Variants in CACNA1E observed in about 807,000 individuals in gnomAD.
CACNA1E encodes the protein voltage-dependent R-type calcium channel subunit alpha-1E.
Under a neutral mutation model 259.2 loss-of-function variants are expected in CACNA1E, and 40 were observed. The ratio of observed to expected loss-of-function variants is 0.15; its 90% CI spans 0.12 to 0.20. The LOEUF is 0.20. Among genes scored for constraint, CACNA1E ranks in the 10% least tolerant of loss-of-function variants. The pLI, the probability that CACNA1E is intolerant of heterozygous loss-of-function variation, is 1.00. For missense variants in CACNA1E, 1,874 were observed against 3,040.1 expected, an observed-to-expected ratio of 0.62 and a Z score of 9.02; for synonymous variants, 1,104 against 1,138.5, an observed-to-expected ratio of 0.97 and a Z score of 0.61.
intron 6 of CACNA1E, among the ~76,000 whole-genome samples, chr1:181,600,572 G>A (rs1052560792): frequency 6.6e-6 from 1 of 152,136 alleles, no homozygotes; most frequent in African/African-American, 2.4e-5. Context: ...GGTTGAATGT[G>A]GGGTAGGAGA....
At chr1:181,615,544 G>A (rs1054300193) in intron 6 of CACNA1E, among the ~76,000 whole-genome samples, 1 of 152,098 alleles carries the variant, frequency 6.6e-6, no homozygotes, top group Non-Finnish European at 1.5e-5. Context: ...TATTTTTAAA[G>A]TTCTGTTTTC....
At chr1:181,473,741 G>A (rs1662665637) in intron 2 of CACNA1E, among the ~76,000 whole-genome samples, 1 of 152,124 alleles carries the variant, frequency 6.6e-6, no homozygotes, top group Non-Finnish European at 1.5e-5. Context: ...CTATTCTCTA[G>A]CTCAAATTTC....
chr1:181,383,434 G>T (rs528991643), intron 1 of CACNA1E, among the ~76,000 whole-genome samples: 3 of 152,204 alleles, frequency 2.0e-5, no homozygotes, highest in African/African-American at 2.4e-5. Context: ...TGAGGCAAGC[G>T]GGGGCAGAAA....
At position 181,468,047 on chromosome 1, in the gene CACNA1E, CT is replaced by C. The variant is rs1662261043; in HGVS notation, c.435-15696del. 1.3e-5 allele frequency among the ~76,000 whole-genome samples: 2 copies of C among 152,166 alleles called. 1 individual carries two copies. Among genetic ancestry groups the C allele is most frequent in the South Asian group, 4.1e-4 (2 of 4,834 alleles). The stretch of plus-strand genomic sequence containing the variant: ...CCCTTCTCTACATGTCTTTTCTTAT[CT>C]GCAACATGGAGGGGTTAGAAGAAGA... On this transcript the variant is annotated intron_variant, in intron 2 of 11. Transcript: ENST00000524607.
intron 3 of CACNA1E, among the ~76,000 whole-genome samples, chr1:181,532,100 G>A (rs539593124): frequency 6.6e-6 from 1 of 152,194 alleles, no homozygotes; most frequent in African/African-American, 2.4e-5. Context: ...GACATGGAGT[G>A]GGGTCCTTTG....
At chr1:181,452,152 G>A (rs568673512) in intron 2 of CACNA1E, among the ~76,000 whole-genome samples, 13 of 152,302 alleles carry the variant, frequency 8.5e-5, no homozygotes, top group Non-Finnish European at 4.4e-5. Context: ...CTGAATAGAA[G>A]AGGCTGCTCC....
intron 1 of CACNA1E, among the ~76,000 whole-genome samples, chr1:181,380,407 A>G (rs1281306513): frequency 6.6e-6 from 1 of 152,196 alleles, no homozygotes; most frequent in East Asian, 1.9e-4. Flanking sequence ...AGAAAATAAT[A>G]AAGATCAAAG....
intron 3 of CACNA1E, among the ~76,000 whole-genome samples, chr1:181,554,340 A>T (rs942808305): frequency 6.6e-6 from 1 of 152,156 alleles, no homozygotes; most frequent in African/African-American, 2.4e-5. Context: ...TCAGTAATCC[A>T]TATAATTTGG....
intron 2 of CACNA1E, among the ~76,000 whole-genome samples, chr1:181,419,966 A>G (rs1658601051): frequency 6.6e-6 from 1 of 151,986 alleles, no homozygotes; most frequent in African/African-American, 2.4e-5. Context: ...TGTTCTTTAG[A>G]CAGGATCCCT....
At position 181,762,633 on chromosome 1, in the gene CACNA1E, A is replaced by C. The variant is rs1318967716; in HGVS notation, c.4665A>C (p.Thr1555=). The change falls in exon 33 of 48, where the codon ACA becomes ACC. Residue 1555 remains threonine (T), a synonymous_variant. Transcript: ENST00000367573. ...TCATCACCGTGATTGGCAGTATCAC[A>C]GAAATTATCCTGACAGACAGCAAGG... ...FDFITVIGSI[T]EIILTDSKLV... is the part of the protein sequence containing the mutation. 3 of 1,606,150 alleles carry C rather than the reference A, an allele frequency of 1.9e-6. No homozygotes were observed. The highest frequency in any genetic ancestry group is 2.6e-6 in the Non-Finnish European group (3 of 1,175,036).
chr1:181,672,716 G>C (rs1315663336), intron 7 of CACNA1E, among the ~76,000 whole-genome samples: 2 of 152,210 alleles, frequency 1.3e-5, no homozygotes, highest in Non-Finnish European at 2.9e-5. Flanking sequence ...AGGTTGCGCT[G>C]TGCTGGTCAT....
intron 6 of CACNA1E, among the ~76,000 whole-genome samples, chr1:181,631,013 C>A (rs1656680539): frequency 6.6e-6 from 1 of 152,200 alleles, no homozygotes; most frequent in South Asian, 2.1e-4. Flanking sequence ...AGCTGGAAGG[C>A]CTGGCTGGCA....
intron 1 of CACNA1E, among the ~76,000 whole-genome samples, chr1:181,355,510 C>T (rs1473573924): frequency 6.6e-6 from 1 of 152,110 alleles, no homozygotes; most frequent in Non-Finnish European, 1.5e-5. Flanking sequence ...ATCACTTGAA[C>T]CCGGGATGGG....
chr1:181,793,673 G>T lies in CACNA1E; in HGVS notation c.5907G>T (p.Glu1969Asp). ...TGTGTGTTTATTTCCAGGAGCCAGA[G>T]GTTAGTGAATTAAAAAGCGTGCAGC... ...QFQERQSLEPEVSELKSVQPS... is the reference protein window; with the variant it reads ...QFQERQSLEPDVSELKSVQPS... The change falls in exon 45 of 48, where the codon GAG (glutamate) becomes GAT (aspartate). Residue 1969 changes from glutamate to aspartate, a missense_variant. Glu to Asp is a conservative substitution (Grantham distance 45). Transcript: ENST00000367573. 1 of 1,609,946 alleles carries T rather than the reference G, an allele frequency of 6.2e-7. No homozygotes were observed. Among genetic ancestry groups the T allele is most frequent in the Non-Finnish European group, 8.5e-7 (1 of 1,178,752 alleles).
chr1:181,504,905 A>G (rs1205398223), intron 1 of CACNA1E, among the ~76,000 whole-genome samples: 1 of 152,226 alleles, frequency 6.6e-6, no homozygotes, highest in Non-Finnish European at 1.5e-5. Flanking sequence ...ACAGGTCCTC[A>G]TTAATGGGCT....
At chr1:181,618,458 G>A (rs1012384058) in intron 6 of CACNA1E, among the ~76,000 whole-genome samples, 2 of 152,144 alleles carry the variant, frequency 1.3e-5, no homozygotes, top group Non-Finnish European at 2.9e-5. Flanking sequence ...CTGGTCACTC[G>A]GGAGGCTGAG....
At chr1:181,604,069 G>A (rs1414511769) in intron 6 of CACNA1E, among the ~76,000 whole-genome samples, 2 of 152,182 alleles carry the variant, frequency 1.3e-5, no homozygotes, top group Non-Finnish European at 2.9e-5. Context: ...TTAAGGGAGA[G>A]GCCAGTCTTC....
At chr1:181,509,085 G>A (rs1375090918) in intron 1 of CACNA1E, among the ~76,000 whole-genome samples, 1 of 152,078 alleles carries the variant, frequency 6.6e-6, no homozygotes, top group African/African-American at 2.4e-5. Flanking sequence ...GAGATGCATG[G>A]TGGTGGGGGA....
chr1:181,676,204 G>T lies in CACNA1E; in HGVS notation c.1055+24763G>T, dbSNP rs1010264387. 3.3e-5 allele frequency among the ~76,000 whole-genome samples: 5 copies of T among 152,286 alleles called. No homozygotes were observed. The South Asian group carries it at 8.3e-4, about 25-fold the overall frequency. ...ATGTGAAAGCCAAGAAGGATTTGTAGGTAATGATGTTTTTGCCCACCATAC... is the reference window on the plus strand; with the variant it reads ...ATGTGAAAGCCAAGAAGGATTTGTATGTAATGATGTTTTTGCCCACCATAC... On this transcript the variant is annotated intron_variant, in intron 7 of 47. Coordinates refer to ENST00000367573, the MANE Select transcript of CACNA1E (RefSeq NM_001205293.3).
Sources: gnomAD v4.1 joint callset for allele counts (sites outside exome capture counted in the v4.1 genomes callset) on GRCh38, gnomAD v4.1.1 for gene constraint, MANE v1.5 for transcripts, NCBI Gene and HGNC (gene_info 2026-07-23, HGNC 2026-07-21) for gene names.